STK10: variants seen among roughly 807,000 people sequenced by gnomAD.
The protein encoded by STK10 is serine/threonine kinase 10, also known as serine/threonine-protein kinase 10.
STK10 carries 78 observed loss-of-function variants against 113.8 expected under a neutral mutation model. The ratio of observed to expected loss-of-function variants is 0.69; its 90% CI spans 0.57 to 0.83. The LOEUF is 0.83. Ranked by LOEUF, STK10 falls within the 40% of genes least tolerant of loss-of-function variation. The pLI, the probability that STK10 is intolerant of heterozygous loss-of-function variation, is 0.00. For missense variants in STK10, 1,109 were observed against 1,280.1 expected (o/e 0.87, Z 2.04); for synonymous variants, 465 against 494.7 (o/e 0.94, Z 0.80).
At chr5:172,160,795 C>A (rs567605987) in intron 1 of STK10, among the ~76,000 whole-genome samples, 1 of 152,144 alleles carries the variant, frequency 6.6e-6, no homozygotes, top group Non-Finnish European at 1.5e-5. Context: ...CACAGACGGA[C>A]GTGCAAGTCC....
intron 13 of STK10, among the ~76,000 whole-genome samples, chr5:172,062,160 T>C (rs758295570): frequency 6.6e-6 from 1 of 152,024 alleles, no homozygotes; most frequent in Non-Finnish European, 1.5e-5. Flanking sequence ...GTATTTTTAG[T>C]AGAGACGGGG....
At position 172,059,681 on chromosome 5, in the gene STK10, C is replaced by T. The variant is rs1767888503; in HGVS notation, c.2212+1458G>A. Among the ~76,000 whole-genome samples, 3 of 152,100 alleles carry T rather than the reference C, an allele frequency of 2.0e-5. No homozygotes were observed. The South Asian group carries it at 6.2e-4, about 31-fold the overall frequency. On this transcript the variant is annotated intron_variant, in intron 14 of 18. Coordinates refer to ENST00000176763, the MANE Select transcript of STK10 (RefSeq NM_005990.4). ...ATGTGAGCCCCCTCTCAGTCCCCTT[C>T]TTGCCCAAGAGTTCCTTTGCCCTCT...
Position 172,096,436 on chromosome 5 carries a change from T to C in STK10, c.995A>G (p.Asp332Gly). Residue 332 changes from aspartate to glycine, a missense_variant, in exon 8 of 19, where the codon GAT (aspartate) becomes GGT (glycine). Asp to Gly is a moderately conservative substitution (Grantham distance 94). Around this residue, in one of 5 missense-constraint regions of STK10, gnomAD observed 885 missense variants for 991.1 expected, o/e 0.89. Transcript: ENST00000176763. ...TCTCCCTGGCCTTACGGAGGCGGCA[T>C]CCACGGCGTCCTCCTCTTCCCCCTC... ...RDEGEEEDAVDAASTLENHTQ... is the reference protein window; with the variant it reads ...RDEGEEEDAVGAASTLENHTQ... The C allele has an allele frequency of 6.2e-7, 1 of 1,612,638 alleles. No individual in the cohort carries two copies. Among genetic ancestry groups the C allele is most frequent in the African/African-American group, 1.3e-5 (1 of 75,074 alleles).
intron 2 of STK10, among the ~76,000 whole-genome samples, chr5:172,155,602 A>AT (rs1238876213): frequency 6.6e-6 from 1 of 152,088 alleles, no homozygotes; most frequent in Non-Finnish European, 1.5e-5. Context: ...AAAAATAAAA[A>AT]TAAAAAAAAG....
rs556130483 is a variant in STK10 at position 172,102,386 on chromosome 5, G to A, written c.870+3270C>T. Among the ~76,000 whole-genome samples the A allele has an allele frequency of 9.2e-5, 14 of 152,274 alleles. No homozygotes were observed. The East Asian group carries it at 2.5e-3, about 27-fold the overall frequency. On this transcript the variant is annotated intron_variant, in intron 7 of 18. Transcript: ENST00000176763. The stretch of plus-strand genomic sequence containing the variant: ...GGGAAAGCCAGTGGTGGAGCACGTC[G>A]GCGAAAAGATCCAAGTGCTCAGCGT...
chr5:172,120,919 C>A lies in STK10; in HGVS notation c.371-3289G>T, dbSNP rs116678702. 0.015 allele frequency among the ~76,000 whole-genome samples: 2,261 copies of A among 152,200 alleles called. 57 individuals carry two copies. The highest frequency in any genetic ancestry group is 0.05 in the African/African-American group (2,080 of 41,508). ...TTTGGAGCCCTTATAATGTGTCAGG[C>A]ATGAGGATAAGGACACGGTGCATAC... On this transcript the variant is annotated intron_variant, in intron 3 of 18. Coordinates refer to ENST00000176763, the MANE Select transcript of STK10 (RefSeq NM_005990.4). This position sits in a 1 kb window ranked among gnomAD's most constrained non-coding sequence, Gnocchi z 4.0.
chr5:172,165,340 C>T (rs757286800), intron 1 of STK10, among the ~76,000 whole-genome samples: 5 of 152,214 alleles, frequency 3.3e-5, no homozygotes, highest in African/African-American at 7.2e-5. Context: ...AATGCAGAGA[C>T]CAGGGTCCCA....
intron 17 of STK10, among the ~76,000 whole-genome samples, chr5:172,053,959 A>G (rs1767689119): frequency 6.6e-6 from 1 of 152,244 alleles, no homozygotes; most frequent in Admixed American, 6.5e-5. Context: ...AAAGTCACAC[A>G]GTGGTAATCA....
chr5:172,107,966 T>C, intron 4 of STK10, 114 bp from the exon 5 acceptor site: 2 of 798,422 alleles, frequency 2.5e-6, no homozygotes, highest in Non-Finnish European at 2.1e-6. Flanking sequence ...ATTTTCTATC[T>C]AGCAAATTAG....
intron 2 of STK10, among the ~76,000 whole-genome samples, chr5:172,144,015 G>A (rs912271371): frequency 3.3e-5 from 5 of 152,358 alleles, no homozygotes; most frequent in African/African-American, 1.2e-4. Context: ...AGAGAGAAGA[G>A]ATGATGGCTG....
intron 2 of STK10, among the ~76,000 whole-genome samples, chr5:172,147,444 G>T (rs2087608): frequency 0.039 from 5,859 of 151,784 alleles, 285 homozygotes; most frequent in African/African-American, 0.11. Flanking sequence ...CAGGCTGGAG[G>T]GCAGTGGCAC....
At chr5:172,142,466 G>A (rs758699234) in intron 2 of STK10, among the ~76,000 whole-genome samples, 36 of 152,124 alleles carry the variant, frequency 2.4e-4, no homozygotes, top group Non-Finnish European at 1.5e-4. Context: ...ATCCCCACAA[G>A]GCAGGCAGTT....
chr5:172,080,787 T>C (rs1395270102), intron 12 of STK10, among the ~76,000 whole-genome samples: 1 of 152,254 alleles, frequency 6.6e-6, no homozygotes, highest in Non-Finnish European at 1.5e-5. Context: ...CAGCAGCAAG[T>C]GCTGACGGAG....
intron 13 of STK10, among the ~76,000 whole-genome samples, chr5:172,062,338 C>G (rs1452067635): frequency 6.6e-6 from 1 of 152,050 alleles, no homozygotes. Context: ...TCATCTTATC[C>G]CCCAGAGTTG....
At chr5:172,121,186 G>A (rs112452819) in intron 3 of STK10, among the ~76,000 whole-genome samples, 3,031 of 151,680 alleles carry the variant, frequency 0.02, 115 homozygotes, top group African/African-American at 0.069. Flanking sequence ...GTGCCACGAC[G>A]CCCGGCTAAT....
intron 3 of STK10, among the ~76,000 whole-genome samples, chr5:172,123,634 A>G (rs1769560920): frequency 6.6e-6 from 1 of 152,144 alleles, no homozygotes; most frequent in South Asian, 2.1e-4. Flanking sequence ...CTAGAAAACC[A>G]CATTCCCCAG....
At chr5:172,071,734 TC>T (rs1354326328) in intron 12 of STK10, among the ~76,000 whole-genome samples, 1 of 152,104 alleles carries the variant, frequency 6.6e-6, no homozygotes, top group African/African-American at 2.4e-5. Flanking sequence ...CTAGTGCCAG[TC>T]TTTGCTGTCT....
At position 172,045,024 on chromosome 5, in the gene STK10, T is replaced by C. The variant is rs774204372; in HGVS notation, c.2767-2A>G. On this transcript the variant is annotated splice_acceptor_variant, in intron 18 of 18. Coordinates refer to ENST00000176763, the MANE Select transcript of STK10 (RefSeq NM_005990.4). LOFTEE classifies it high-confidence loss of function. ...CTGGTTCAGATCCTCTTCCAGAGCC[T>C]AGGGAAGAGAGAGGATGGATGGCAC... 1.2e-6 allele frequency: 2 copies of C among 1,613,884 alleles called. No individual in the cohort carries two copies. Among genetic ancestry groups the C allele is most frequent in the Non-Finnish European group, 1.7e-6 (2 of 1,180,002 alleles).
At chr5:172,146,395 C>A (rs1770088183) in intron 2 of STK10, among the ~76,000 whole-genome samples, 1 of 152,176 alleles carries the variant, frequency 6.6e-6, no homozygotes, top group Non-Finnish European at 1.5e-5. Context: ...GCTAAAGGTT[C>A]CACCAGAGAC....
Sources: allele counts gnomAD v4.1 joint callset (sites outside exome capture counted in the v4.1 genomes callset), GRCh38; gene constraint gnomAD v4.1.1; regional missense constraint gnomAD v4.1.1; non-coding constraint Gnocchi (gnomAD v3.1); transcripts MANE v1.5; gene names NCBI Gene and HGNC (gene_info 2026-07-23, HGNC 2026-07-21).